The following CLTCL1 variants were observed in gnomAD, a reference collection of about 807,000 sequenced individuals.
CLTCL1 encodes clathrin heavy chain 2.
CLTCL1 carries 159 observed loss-of-function variants against 190.0 expected under a neutral mutation model. That is an observed-to-expected ratio of 0.84 (90% CI 0.74 to 0.95). CLTCL1 has a LOEUF of 0.95. CLTCL1 is among the 40% of genes least tolerant of loss of function. The probability of loss-of-function intolerance (pLI) is 0.00; values close to 1 mark genes in which losing one functional copy is unlikely to be tolerated. For synonymous variants in CLTCL1, 752 were observed against 769.6 expected (o/e 0.98, Z 0.38); for missense variants, 1,878 against 2,033.4 (o/e 0.92, Z 1.47).
In CLTCL1 at chr22:19,180,033, G is replaced by A. The variant is rs1173936023; in HGVS notation, c.*21-64C>T. 17 of 626,308 alleles carry A rather than the reference G, an allele frequency of 2.7e-5. No homozygotes were observed. The South Asian group carries it at 3.1e-4, about 11-fold the overall frequency. The allele number at this position is 626,308 out of a possible 1,614,324, so 38.8% of individuals were successfully genotyped here. A position where few individuals can be genotyped will look rare whatever the true frequency, so the allele number is the denominator to read the frequency against. On this transcript the variant is annotated intron_variant, in intron 32 of 32. Coordinates refer to ENST00000427926, the MANE Select transcript of CLTCL1 (RefSeq NM_007098.4). ...TGCCCATGGGGGTCCTCTCCTGGCTGCCCCTGAGTAGCCCGGGGCCCAGGG... is the reference window on the plus strand; with the variant it reads ...TGCCCATGGGGGTCCTCTCCTGGCTACCCCTGAGTAGCCCGGGGCCCAGGG...
intron 3 of CLTCL1, among the ~76,000 whole-genome samples, chr22:19,247,781 G>C (rs1480789320): frequency 6.6e-6 from 1 of 151,882 alleles, no homozygotes; most frequent in African/African-American, 2.4e-5. Context: ...GGCTGGTCTC[G>C]AACTCCTGAC....
At chr22:19,208,779 T>C in intron 21 of CLTCL1, 143 bp downstream of exon 21, 1 of 671,850 alleles carries the variant, frequency 1.5e-6, no homozygotes, top group Non-Finnish European at 2.5e-6. Context: ...CAGACTCTTG[T>C]GGGAAACTTT....
intron 4 of CLTCL1, among the ~76,000 whole-genome samples, chr22:19,241,935 A>G (rs2086265340): frequency 6.8e-6 from 1 of 146,330 alleles, no homozygotes; most frequent in African/African-American, 2.5e-5. Flanking sequence ...ACTGTGCCTC[A>G]TCTACCTTTT....
At chr22:19,209,167 A>AG in intron 20 of CLTCL1, 53 bp from the exon 21 acceptor site, 1 of 1,471,968 alleles carries the variant, frequency 6.8e-7, no homozygotes, top group Non-Finnish European at 9.1e-7. Flanking sequence ...CAGCTCCAAA[A>AG]AACAGACACA....
chr22:19,229,199 A>C (rs1175903239), intron 11 of CLTCL1, among the ~76,000 whole-genome samples: 1 of 152,242 alleles, frequency 6.6e-6, no homozygotes, highest in African/African-American at 2.4e-5. Flanking sequence ...AATGTTCATC[A>C]ATGGATGAAT....
intron 3 of CLTCL1, among the ~76,000 whole-genome samples, chr22:19,243,265 G>A (rs187043795): frequency 3.3e-4 from 50 of 152,266 alleles, no homozygotes; most frequent in Admixed American, 1.0e-3. Flanking sequence ...TAGTTAAATC[G>A]GGGGATGCAA....
At chr22:19,286,519 T>C (rs2087911960) in intron 1 of CLTCL1, among the ~76,000 whole-genome samples, 1 of 152,132 alleles carries the variant, frequency 6.6e-6, no homozygotes, top group Non-Finnish European at 1.5e-5. Context: ...CAAAATGAGA[T>C]AGCTACATAA....
At chr22:19,185,548 G>C (rs1051371785) in intron 29 of CLTCL1, among the ~76,000 whole-genome samples, 1 of 152,082 alleles carries the variant, frequency 6.6e-6, no homozygotes, top group South Asian at 2.1e-4. Flanking sequence ...GGATGGTCTC[G>C]ATCTCCTGAT....
Position 19,226,341 on chromosome 22 carries a change from C to T in CLTCL1, c.1825G>A (p.Asp609Asn), listed in dbSNP as rs782103509. The T allele has an allele frequency of 8.1e-6, 13 of 1,613,964 alleles. No homozygotes were observed. Among genetic ancestry groups the T allele is most frequent in the Admixed American group, 3.3e-5 (2 of 60,006 alleles). Residue 609 changes from aspartate to asparagine, a missense_variant, in exon 12 of 33, where the codon GAC becomes AAC. Coordinates refer to ENST00000427926, the MANE Select transcript of CLTCL1 (RefSeq NM_007098.4). The stretch of plus-strand genomic sequence containing the variant: ...CAGAGCTGGGCAATGTGGGCCCGGT[C>T]GTAATGAGTAAACATTTTATTTCCA... ...ILGNKMFTHY[D>N]RAHIAQLCEK...
At chr22:19,235,945 TA>T in intron 5 of CLTCL1, 76 bp from the exon 6 acceptor site, 1 of 1,264,466 alleles carries the variant, frequency 7.9e-7, no homozygotes, top group South Asian at 1.4e-5. Context: ...TCACAAATGA[TA>T]AAGAGGATTC....
chr22:19,224,621 A>G (rs1601575159), intron 13 of CLTCL1, among the ~76,000 whole-genome samples: 1 of 152,176 alleles, frequency 6.6e-6, no homozygotes, highest in Middle Eastern at 3.2e-3. Flanking sequence ...CTCCCTGTCG[A>G]GGTCTTTCAC....
intron 4 of CLTCL1, 124 bp downstream of exon 4, chr22:19,242,651 C>T: frequency 9.1e-7 from 1 of 1,098,820 alleles, no homozygotes; most frequent in Non-Finnish European, 1.3e-6. Flanking sequence ...GCACAGTTCT[C>T]AACACCACCA....
chr22:19,238,729 G>A (rs1238022744), intron 5 of CLTCL1: 1 of 152,952 alleles, frequency 6.5e-6, no homozygotes, highest in East Asian at 1.9e-4. Flanking sequence ...AGTTTCACTA[G>A]AGGCTGCGTG....
chr22:19,275,105 T>C (rs1372492858), intron 2 of CLTCL1, among the ~76,000 whole-genome samples: 5 of 152,204 alleles, frequency 3.3e-5, no homozygotes, highest in Admixed American at 1.3e-4. Context: ...AATCCTTTTA[T>C]TTGCCAAATG....
chr22:19,225,485 A>G lies in CLTCL1; in HGVS notation c.2096T>C (p.Val699Ala). 1.3e-6 allele frequency: 2 copies of G among 1,587,178 alleles called. No individual in the cohort carries two copies. Among genetic ancestry groups the G allele is most frequent in the Non-Finnish European group, 1.7e-6 (2 of 1,166,102 alleles). Reference sequence around the variant, plus strand: ...ACTCTTGAAGGATTCAAAGAGCTCCACCAGGGCCTGCGTGCCCAGCTGCTC... The same window carrying G: ...ACTCTTGAAGGATTCAAAGAGCTCCGCCAGGGCCTGCGTGCCCAGCTGCTC... ...YHEQLGTQALVELFESFKSYK... is the reference protein window; with the variant it reads ...YHEQLGTQALAELFESFKSYK... Residue 699 changes from valine (V) to alanine (A), a missense_variant, in exon 13 of 33, where the codon GTG (valine) becomes GCG (alanine). Physicochemically the swap from Val to Ala is moderately conservative, Grantham distance 64 (BLOSUM62 0). Coordinates refer to ENST00000427926, the MANE Select transcript of CLTCL1 (RefSeq NM_007098.4).
intron 19 of CLTCL1, among the ~76,000 whole-genome samples, chr22:19,211,391 TG>T (rs1303045536): frequency 6.6e-6 from 1 of 152,186 alleles, no homozygotes; most frequent in African/African-American, 2.4e-5. Flanking sequence ...CTGGAGGTTC[TG>T]GTTAAGGCAT....
chr22:19,249,795 T>A (rs1014183500), intron 3 of CLTCL1: 3 of 230,248 alleles, frequency 1.3e-5, no homozygotes, highest in Non-Finnish European at 2.8e-5. Flanking sequence ...TGGTTTCCCT[T>A]CCCTTTAATC....
intron 18 of CLTCL1, among the ~76,000 whole-genome samples, chr22:19,218,136 G>A (rs73877053): frequency 0.014 from 2,145 of 152,228 alleles, 48 homozygotes; most frequent in African/African-American, 0.049. Context: ...TTACAGCAGA[G>A]ATAATGAAAG....
chr22:19,182,714 G>T (rs942630635), intron 30 of CLTCL1: 1 of 152,244 alleles, frequency 6.6e-6, no homozygotes, highest in Non-Finnish European at 1.5e-5. Flanking sequence ...CTTGAAGGAG[G>T]TTAGATAGGC....
Sources: gnomAD v4.1 joint callset for allele counts (sites outside exome capture counted in the v4.1 genomes callset) on GRCh38, gnomAD v4.1.1 for gene constraint, MANE v1.5 for transcripts, NCBI Gene and HGNC (gene_info 2026-07-23, HGNC 2026-07-21) for gene names.